The following KMT2E variants were observed in gnomAD, a reference collection of about 807,000 sequenced individuals.
The protein encoded by KMT2E is lysine methyltransferase 2E (inactive), also known as histone reader KMT2E.
KMT2E carries 30 observed loss-of-function variants against 184.6 expected under a neutral mutation model. The observed-to-expected ratio is 0.16, with a 90% CI of 0.12 to 0.22. The LOEUF (loss-of-function observed/expected upper bound fraction) is 0.22. Among genes scored for constraint, KMT2E ranks in the 10% least tolerant of loss-of-function variants. KMT2E has a pLI of 1.00. For synonymous variants in KMT2E, 815 were observed against 776.5 expected (o/e 1.05, Z -0.82); for missense variants, 2,023 against 2,237.4 (o/e 0.90, Z 1.93).
At chr7:105,024,935 G>C (rs756268571) in intron 1 of KMT2E, among the ~76,000 whole-genome samples, 1 of 152,024 alleles carries the variant, frequency 6.6e-6, no homozygotes, top group Non-Finnish European at 1.5e-5. Flanking sequence ...GAACCTATAG[G>C]CTATTTGGAT....
intron 1 of KMT2E, among the ~76,000 whole-genome samples, chr7:105,028,036 T>C (rs1795241463): frequency 6.6e-6 from 1 of 152,048 alleles, no homozygotes; most frequent in African/African-American, 2.4e-5. Context: ...GACTGAATAA[T>C]ACAATTTTTG....
intron 13 of KMT2E, among the ~76,000 whole-genome samples, chr7:105,087,304 TAAA>T (rs1798023896): frequency 6.8e-6 from 1 of 146,024 alleles, no homozygotes; most frequent in Non-Finnish European, 1.5e-5. Context: ...ATATAATATA[TAAA>T]TATAAATATA....
intron 15 of KMT2E, among the ~76,000 whole-genome samples, chr7:105,098,610 C>G (rs1336921638): frequency 1.3e-5 from 2 of 152,182 alleles, no homozygotes; most frequent in Non-Finnish European, 2.9e-5. Context: ...ACCATGTTGG[C>G]CAGGATGGTC....
chr7:105,073,000 T>C (rs1035539869), intron 6 of KMT2E, among the ~76,000 whole-genome samples: 8 of 151,874 alleles, frequency 5.3e-5, no homozygotes, highest in Middle Eastern at 3.2e-3. Flanking sequence ...TGTCATACAT[T>C]TGCTTTAAGA....
At chr7:105,059,751 T>C (rs553376125) in intron 3 of KMT2E, among the ~76,000 whole-genome samples, 145 of 152,140 alleles carry the variant, frequency 9.5e-4, no homozygotes, top group African/African-American at 3.4e-3. Context: ...TGTGTAGATA[T>C]AATGATGCAT....
chr7:105,071,608 ATTTTTTTTTTT>A (rs869055986), intron 6 of KMT2E, among the ~76,000 whole-genome samples: 7 of 31,876 alleles, frequency 2.2e-4, no homozygotes, highest in African/African-American at 2.7e-4. Context: ...ATATATATAT[ATTTTTTTTTTT>A]TTTTTTTTTT....
At chr7:105,090,370 A>G in intron 14 of KMT2E, 97 bp downstream of exon 14, 6 of 1,337,474 alleles carry the variant, frequency 4.5e-6, no homozygotes, top group Non-Finnish European at 6.1e-6. Flanking sequence ...TGTTTAAAGT[A>G]TTTTTAAGTC....
At position 105,107,588 on chromosome 7, in the gene KMT2E, A is replaced by C; in HGVS notation, c.3131A>C (p.His1044Pro). 1.2e-6 allele frequency: 2 copies of C among 1,614,076 alleles called. No homozygotes were observed. Among genetic ancestry groups the C allele is most frequent in the South Asian group, 2.2e-5 (2 of 91,074 alleles). ...CATAAAACCCTGGAAACGCCTGCAC[A>C]TGACAGGGCTGAGCCCAACAGCCAA... The part of the protein sequence containing the change: ...ALHKTLETPA[H>P]DRAEPNSQLD... The change falls in exon 22 of 27, where the codon CAT becomes CCT. Residue 1044 changes from histidine to proline, a missense_variant. His to Pro is a moderately conservative substitution (Grantham distance 77). This residue lies in a region of KMT2E where 1,108 missense variants were observed against 1,050.9 expected (regional missense o/e 1.05). Transcript: ENST00000311117.
chr7:105,052,558 A>C (rs1015169040), intron 3 of KMT2E, among the ~76,000 whole-genome samples: 2 of 151,382 alleles, frequency 1.3e-5, no homozygotes, highest in Non-Finnish European at 2.9e-5. Context: ...ATTTTTATTT[A>C]TTTTTTATTT....
chr7:105,052,513 G>C (rs1471078726), intron 3 of KMT2E, among the ~76,000 whole-genome samples: 2 of 151,986 alleles, frequency 1.3e-5, no homozygotes, highest in Non-Finnish European at 2.9e-5. Flanking sequence ...AGTAAGCATT[G>C]AGTCATGAAT....
intron 5 of KMT2E, among the ~76,000 whole-genome samples, chr7:105,064,686 A>G (rs1796960801): frequency 1.3e-5 from 2 of 152,178 alleles, no homozygotes; most frequent in Admixed American, 1.3e-4. Flanking sequence ...ACCTTTCCAA[A>G]TGTAAAAATA....
intron 22 of KMT2E, 110 bp from the exon 23 acceptor site, chr7:105,108,832 A>C: frequency 1.1e-6 from 1 of 878,160 alleles, no homozygotes; most frequent in Non-Finnish European, 1.7e-6. Flanking sequence ...AATTAAAATA[A>C]TTTTCCTAAT....
Position 105,077,307 on chromosome 7 carries a change from A to G in KMT2E, c.1004A>G (p.His335Arg), listed in dbSNP as rs749560387. 5 of 1,609,280 alleles carry G rather than the reference A, an allele frequency of 3.1e-6. No individual in the cohort carries two copies. Among genetic ancestry groups the G allele is most frequent in the East Asian group, 2.2e-5 (1 of 44,784 alleles). ...NLLFKPPVESHIQKNKKILKS... is the reference protein window; with the variant it reads ...NLLFKPPVESRIQKNKKILKS... ...CAACATTTACTCTGATTTTAGAGCC[A>G]TATACAAAAGAATAAGAAAATTCTT... Residue 335 changes from histidine to arginine, a missense_variant, in exon 11 of 27, where the codon CAT becomes CGT. Coordinates refer to ENST00000311117, the MANE Select transcript of KMT2E (RefSeq NM_182931.3).
At chr7:105,028,284 T>A (rs550484220) in intron 1 of KMT2E, among the ~76,000 whole-genome samples, 5 of 151,592 alleles carry the variant, frequency 3.3e-5, no homozygotes, top group African/African-American at 1.2e-4. Flanking sequence ...TCCTCTCACC[T>A]CAGGCTCCCG....
At position 105,071,614 on chromosome 7, in the gene KMT2E, T is replaced by A. The variant is rs1334361139; in HGVS notation, c.498-2005T>A. ...TATATATATATATATATATATTTTT[T>A]TTTTTTTTTTTTTTTTTTTTTTAAG... is the stretch of plus-strand genomic sequence containing the variant. On this transcript the variant is annotated intron_variant, in intron 6 of 26. Coordinates refer to ENST00000311117, the MANE Select transcript of KMT2E (RefSeq NM_182931.3). 5.0e-3 allele frequency among the ~76,000 whole-genome samples: 447 copies of A among 89,592 alleles called. 1 individual carries two copies. Among genetic ancestry groups the A allele is most frequent in the African/African-American group, 0.012 (227 of 18,360 alleles). The allele number at this position is 89,592 out of a possible 152,430, so 58.8% of individuals were successfully genotyped here. A position where few individuals can be genotyped will look rare whatever the true frequency, so the allele number is the denominator to read the frequency against.
chr7:105,062,177 G>A lies in KMT2E; in HGVS notation c.85G>A (p.Glu29Lys), dbSNP rs754091887. 6.2e-7 allele frequency: 1 copy of A among 1,611,468 alleles called. No individual in the cohort carries two copies. ...TTTTCCCCCCAGACCAGAATCCGTAGAAGCTAGCCCTGTGGTAGTTGAGAA... is the reference window on the plus strand; with the variant it reads ...TTTTCCCCCCAGACCAGAATCCGTAAAAGCTAGCCCTGTGGTAGTTGAGAA... ...MAAGSEPESV[E>K]ASPVVVEKSN... The change falls in exon 4 of 27, where the codon GAA (glutamate) becomes AAA (lysine). Residue 29 changes from glutamate (E) to lysine (K), a missense_variant. Glu to Lys is a moderately conservative substitution (Grantham distance 56, BLOSUM62 1). Transcript: ENST00000311117.
At chr7:105,031,364 G>T (rs1462100355) in intron 1 of KMT2E, among the ~76,000 whole-genome samples, 3 of 151,100 alleles carry the variant, frequency 2.0e-5, no homozygotes, top group Middle Eastern at 3.4e-3. Flanking sequence ...CTGAGGATTG[G>T]GGGGGTGGTG....
At chr7:105,060,003 T>TTTTTTTTTTTTTTTTTTTA (rs1796745852) in intron 3 of KMT2E, among the ~76,000 whole-genome samples, 1 of 96,170 alleles carries the variant, frequency 1.0e-5, no homozygotes, top group Non-Finnish European at 1.9e-5. Flanking sequence ...TTTTTTTTTT[T>TTTTTTTTTTTTTTTTTTTA]TTTTTTTTGG....
At chr7:105,036,494 T>C (rs1795665346) in intron 1 of KMT2E, among the ~76,000 whole-genome samples, 1 of 152,170 alleles carries the variant, frequency 6.6e-6, no homozygotes, top group Admixed American at 6.5e-5. Context: ...ATTTCAGGCA[T>C]ACTGATGTGT....
Sources: gnomAD v4.1 joint callset for allele counts (sites outside exome capture counted in the v4.1 genomes callset) on GRCh38, gnomAD v4.1.1 for gene constraint, gnomAD v4.1.1 regional missense constraint, MANE v1.5 for transcripts, NCBI Gene and HGNC (gene_info 2026-07-23, HGNC 2026-07-21) for gene names.